CAMK4: variants seen among roughly 807,000 people sequenced by gnomAD.
CAMK4 encodes the protein calcium/calmodulin-dependent protein kinase type IV.
A neutral mutation model predicts 44.9 loss-of-function variants in CAMK4; 22 were observed. The ratio of observed to expected loss-of-function variants is 0.49; its 90% confidence interval spans 0.35 to 0.70. The LOEUF (loss-of-function observed/expected upper bound fraction) is 0.70, where lower values mean the gene tolerates loss of function less well. Among genes scored for constraint, CAMK4 ranks in the 30% least tolerant of loss-of-function variants. The probability of loss-of-function intolerance (pLI) is 0.01; values close to 1 mark genes in which losing one functional copy is unlikely to be tolerated. For missense variants in CAMK4, 498 were observed against 586.8 expected (o/e 0.85, Z 1.56); for synonymous variants, 218 against 215.4 (o/e 1.01, Z -0.11).
At chr5:111,241,293 C>A (rs1208706519) in intron 1 of CAMK4, among the ~76,000 whole-genome samples, 1 of 152,062 alleles carries the variant, frequency 6.6e-6, no homozygotes, top group Non-Finnish European at 1.5e-5. Flanking sequence ...TTTTCATTAC[C>A]TTGAAAGTCT....
At chr5:111,455,982 T>A (rs988019901) in intron 7 of CAMK4, among the ~76,000 whole-genome samples, 3 of 152,218 alleles carry the variant, frequency 2.0e-5, no homozygotes, top group Non-Finnish European at 4.4e-5. Context: ...AACTAAAACA[T>A]GTAATGAATG....
At chr5:111,280,513 A>G (rs546605431) in intron 1 of CAMK4, among the ~76,000 whole-genome samples, 1 of 152,324 alleles carries the variant, frequency 6.6e-6, no homozygotes, top group African/African-American at 2.4e-5. Flanking sequence ...CTGCCTTAAT[A>G]CGATTAAAAT....
At chr5:111,319,977 G>C (rs1748589958) in intron 1 of CAMK4, among the ~76,000 whole-genome samples, 1 of 152,144 alleles carries the variant, frequency 6.6e-6, no homozygotes, top group African/African-American at 2.4e-5. Context: ...TTAGGTATAG[G>C]AGTGGAAAAA....
At chr5:111,448,182 A>C (rs1295201059) in intron 6 of CAMK4, among the ~76,000 whole-genome samples, 1 of 152,360 alleles carries the variant, frequency 6.6e-6, no homozygotes, top group East Asian at 1.9e-4. Context: ...TAATGGTAGC[A>C]ACTTTCGATA....
At chr5:111,324,182 T>A (rs1748778380) in intron 1 of CAMK4, among the ~76,000 whole-genome samples, 1 of 151,818 alleles carries the variant, frequency 6.6e-6, no homozygotes, top group East Asian at 1.9e-4. Flanking sequence ...AAACAATTTT[T>A]TAAAATAAGG....
At chr5:111,271,112 G>A (rs1222628838) in intron 1 of CAMK4, among the ~76,000 whole-genome samples, 1 of 152,144 alleles carries the variant, frequency 6.6e-6, no homozygotes, top group Non-Finnish European at 1.5e-5. Flanking sequence ...CCTCCTACCA[G>A]GTCCCTCCCT....
chr5:111,375,031 G>A (rs896525740), intron 3 of CAMK4, 119 bp downstream of exon 3: 4 of 698,072 alleles, frequency 5.7e-6, no homozygotes, highest in African/African-American at 5.3e-5. Context: ...TAGCTACTAT[G>A]TGCTAGCTCT....
intron 1 of CAMK4, among the ~76,000 whole-genome samples, chr5:111,279,302 T>C (rs1189013983): frequency 6.6e-6 from 1 of 152,098 alleles, no homozygotes; most frequent in Non-Finnish European, 1.5e-5. Flanking sequence ...GTAGTTCAAT[T>C]TGAGAAACCC....
intron 1 of CAMK4, among the ~76,000 whole-genome samples, chr5:111,297,881 T>G (rs904270135): frequency 2.0e-5 from 3 of 152,218 alleles, no homozygotes; most frequent in Non-Finnish European, 2.9e-5. Context: ...GTTAGCTCAT[T>G]TAAAAAATAC....
chr5:111,245,124 GCTTA>G (rs1749176070), intron 1 of CAMK4, among the ~76,000 whole-genome samples: 1 of 152,062 alleles, frequency 6.6e-6, no homozygotes, highest in South Asian at 2.1e-4. Flanking sequence ...ACAGGACTAA[GCTTA>G]CTTTTTACTT....
chr5:111,349,156 C>G (rs958505713), intron 2 of CAMK4, among the ~76,000 whole-genome samples: 4 of 151,870 alleles, frequency 2.6e-5, no homozygotes, highest in African/African-American at 9.7e-5. Flanking sequence ...TCATCAATTC[C>G]CTAGACATGA....
intron 1 of CAMK4, among the ~76,000 whole-genome samples, chr5:111,286,821 A>G (rs911289319): frequency 2.0e-5 from 3 of 152,212 alleles, no homozygotes; most frequent in African/African-American, 7.2e-5. Context: ...AGAAAAAAAG[A>G]AAACTGCTAC....
At chr5:111,365,434 G>A (rs1323191066) in intron 2 of CAMK4, among the ~76,000 whole-genome samples, 9 of 152,078 alleles carry the variant, frequency 5.9e-5, no homozygotes, top group Non-Finnish European at 1.5e-5. Context: ...AACCATCCAT[G>A]TGAAAGTTGA....
intron 5 of CAMK4, among the ~76,000 whole-genome samples, chr5:111,398,797 C>G (rs773393451): frequency 6.6e-6 from 1 of 152,148 alleles, no homozygotes; most frequent in Non-Finnish European, 1.5e-5. Flanking sequence ...ATGGCACTAC[C>G]ATTCAGCAAT....
chr5:111,362,648 T>A (rs1750638867), intron 2 of CAMK4, among the ~76,000 whole-genome samples: 1 of 152,046 alleles, frequency 6.6e-6, no homozygotes, highest in African/African-American at 2.4e-5. Flanking sequence ...TTTCCTTCTA[T>A]CCCTGACAAC....
chr5:111,398,133 T>A (rs1223265972), intron 5 of CAMK4, among the ~76,000 whole-genome samples: 3 of 152,216 alleles, frequency 2.0e-5, no homozygotes, highest in African/African-American at 7.2e-5. Flanking sequence ...CAATAGTCTC[T>A]ACTTCTTAGA....
At position 111,431,980 on chromosome 5, in the gene CAMK4, C is replaced by T. The variant is rs138590555; in HGVS notation, c.460-14706C>T. Reference sequence around the variant, plus strand: ...AAAAACTAAAAATTGAGCTACCATACGATCCAGCAATCCCATTGTTGGGTA... The same window carrying T: ...AAAAACTAAAAATTGAGCTACCATATGATCCAGCAATCCCATTGTTGGGTA... On this transcript the variant is annotated intron_variant, in intron 5 of 10. Transcript: ENST00000282356. 1.3e-3 allele frequency among the ~76,000 whole-genome samples: 201 copies of T among 152,136 alleles called. No individual in the cohort carries two copies. The Middle Eastern group carries it at 0.014, about 10-fold the overall frequency.
chr5:111,446,711 A>T lies in CAMK4; in HGVS notation c.485A>T (p.His162Leu). Residue 162 changes from histidine to leucine, a missense_variant, in exon 6 of 11, where the codon CAT becomes CTT. Transcript: ENST00000282356. ...VAYLHENGIV[H>L]RDLKPENLLY... The stretch of plus-strand genomic sequence containing the variant: ...TATCTACATGAAAATGGGATTGTCC[A>T]TCGTGATCTCAAACCAGAGAATCTT... 6.3e-7 allele frequency: 1 copy of T among 1,599,186 alleles called. No individual in the cohort carries two copies. The highest frequency in any genetic ancestry group is 8.6e-7 in the Non-Finnish European group (1 of 1,168,358).
intron 1 of CAMK4, among the ~76,000 whole-genome samples, chr5:111,300,447 G>A (rs1392275506): frequency 6.6e-6 from 1 of 152,102 alleles, no homozygotes; most frequent in African/African-American, 2.4e-5. Flanking sequence ...TAAAAATGAA[G>A]TCACTGATGA....
Sources: gnomAD v4.1 joint callset for allele counts (sites outside exome capture counted in the v4.1 genomes callset) on GRCh38, gnomAD v4.1.1 for gene constraint, MANE v1.5 for transcripts, NCBI Gene and HGNC (gene_info 2026-07-23, HGNC 2026-07-21) for gene names.